Variants in CFAP210 observed in about 807,000 individuals in gnomAD.
CFAP210 encodes cilia and flagella associated protein 210, also known as cilia- and flagella- associated protein 210.
chr2:169,670,746 C>G, the CFAP210 span, among the ~76,000 whole-genome samples: 1 of 152,130 alleles, frequency 6.6e-6, no homozygotes, highest in Non-Finnish European at 1.5e-5. Context: ...CCCCAATGAG[C>G]AATCCATGGG....
the CFAP210 span, among the ~76,000 whole-genome samples, chr2:169,648,827 C>T: frequency 1.3e-5 from 2 of 152,142 alleles, no homozygotes; most frequent in African/African-American, 2.4e-5. Context: ...CTGATATCTC[C>T]ATTCCTCAAA....
the CFAP210 span, among the ~76,000 whole-genome samples, chr2:169,671,909 A>G: frequency 6.6e-6 from 1 of 152,238 alleles, no homozygotes; most frequent in Admixed American, 6.5e-5. Flanking sequence ...TAAATAGCCT[A>G]TTTTGAAATT....
the CFAP210 span, among the ~76,000 whole-genome samples, chr2:169,663,069 CACT>C: frequency 1.3e-5 from 2 of 152,164 alleles, no homozygotes; most frequent in South Asian, 2.1e-4. Flanking sequence ...TAAACCCCAC[CACT>C]ATCGCTACCA....
the CFAP210 span, among the ~76,000 whole-genome samples, chr2:169,680,698 G>C: frequency 6.6e-6 from 1 of 152,190 alleles, no homozygotes; most frequent in Non-Finnish European, 1.5e-5. Flanking sequence ...ATCCAGAAGA[G>C]GAGCAGGGAG....
chr2:169,691,660 C>T, the CFAP210 span, among the ~76,000 whole-genome samples: 1 of 152,148 alleles, frequency 6.6e-6, no homozygotes, highest in African/African-American at 2.4e-5. Context: ...CTATTGAAAC[C>T]TTTTTCTTGT....
chr2:169,660,231 A>G, the CFAP210 span, among the ~76,000 whole-genome samples: 2 of 152,032 alleles, frequency 1.3e-5, no homozygotes, highest in African/African-American at 4.8e-5. Context: ...TACTAAAAAA[A>G]ATACAAAAAT....
At chr2:169,670,205 C>T in the CFAP210 span, among the ~76,000 whole-genome samples, 49 of 152,180 alleles carry the variant, frequency 3.2e-4, no homozygotes, top group African/African-American at 1.1e-3. Flanking sequence ...TCTATAGCTA[C>T]GGTGTTAAGT....
the CFAP210 span, among the ~76,000 whole-genome samples, chr2:169,676,278 A>T: frequency 1.3e-5 from 2 of 152,068 alleles, no homozygotes; most frequent in African/African-American, 4.8e-5. Flanking sequence ...GTTTATAGAC[A>T]GTCTTGCTGG....
At chr2:169,674,268 T>C in the CFAP210 span, among the ~76,000 whole-genome samples, 9 of 152,292 alleles carry the variant, frequency 5.9e-5, 1 homozygote, top group Admixed American at 2.0e-4. Flanking sequence ...CAGCCAGTCC[T>C]ACAGCTTGAA....
the CFAP210 span, chr2:169,650,193 A>G: frequency 2.2e-6 from 2 of 919,918 alleles, no homozygotes; most frequent in African/African-American, 3.5e-5. Flanking sequence ...AATTTCAAAA[A>G]TACAGGAAGA....
the CFAP210 span, chr2:169,675,015 G>C: frequency 6.6e-7 from 1 of 1,515,574 alleles, no homozygotes; most frequent in South Asian, 1.4e-5. Flanking sequence ...CTTCTTTTTG[G>C]CTTCAAGTTT....
At chr2:169,647,144 G>A in the CFAP210 span, among the ~76,000 whole-genome samples, 1 of 151,832 alleles carries the variant, frequency 6.6e-6, no homozygotes, top group Non-Finnish European at 1.5e-5. Context: ...GGGATAAAAT[G>A]CCAGAGTTTT....
the CFAP210 span, among the ~76,000 whole-genome samples, chr2:169,665,050 T>C: frequency 1.3e-5 from 2 of 152,140 alleles, no homozygotes; most frequent in Non-Finnish European, 2.9e-5. Context: ...TAGGTCTTGA[T>C]TGCTTTGGAC....
At chr2:169,648,856 G>A in the CFAP210 span, among the ~76,000 whole-genome samples, 5 of 152,080 alleles carry the variant, frequency 3.3e-5, no homozygotes, top group Admixed American at 1.3e-4. Flanking sequence ...CTATGAGATC[G>A]CAATCAACAT....
chr2:169,692,438 GCGCA>G, the CFAP210 span, among the ~76,000 whole-genome samples: 5 of 96,804 alleles, frequency 5.2e-5, no homozygotes, highest in African/African-American at 1.8e-4. Context: ...AGGGCAACAG[GCGCA>G]CGCACACACA....
chr2:169,653,536 A>C, the CFAP210 span, among the ~76,000 whole-genome samples: 4,016 of 152,142 alleles, frequency 0.026, 192 homozygotes, highest in African/African-American at 0.091. Context: ...TCTACACCCC[A>C]TACCAAACTG....
chr2:169,693,603 G>A, the CFAP210 span, among the ~76,000 whole-genome samples: 2 of 152,210 alleles, frequency 1.3e-5, no homozygotes, highest in South Asian at 2.1e-4. Context: ...ATTTACAGAC[G>A]TAAGAAACTG....
the CFAP210 span, among the ~76,000 whole-genome samples, chr2:169,676,776 G>C: frequency 2.0e-5 from 3 of 151,816 alleles, no homozygotes; most frequent in Admixed American, 6.6e-5. Context: ...ACAAAGTAAG[G>C]AAACAGGCAA....
chr2:169,663,766 C>T, the CFAP210 span, among the ~76,000 whole-genome samples: 5 of 151,418 alleles, frequency 3.3e-5, no homozygotes, highest in African/African-American at 1.2e-4. Context: ...CAATGCTAAA[C>T]CAGGTTTACG....
Sources: gnomAD v4.1 joint callset for allele counts (sites outside exome capture counted in the v4.1 genomes callset) on GRCh38, gnomAD v4.1.1 for gene constraint, MANE v1.5 for transcripts, NCBI Gene and HGNC (gene_info 2026-07-23, HGNC 2026-07-21) for gene names.